The following ARSB variants were observed in gnomAD, a reference collection of about 807,000 sequenced individuals.
The protein encoded by ARSB is N-acetylgalactosamine-4-sulfatase.
In ARSB, 41 loss-of-function variants were observed where a neutral mutation model predicts 50.9. The observed-to-expected ratio is 0.81, with a 90% CI of 0.63 to 1.04. The LOEUF is 1.04. ARSB is among the 50% of genes least tolerant of loss of function. The pLI, the probability that ARSB is intolerant of heterozygous loss-of-function variation, is 0.00. For missense variants in ARSB, 672 were observed against 693.3 expected (o/e 0.97, Z 0.35); for synonymous variants, 269 against 284.8 (o/e 0.94, Z 0.56).
chr5:78,789,994 C>T (rs570280609), intron 6 of ARSB, among the ~76,000 whole-genome samples: 5 of 152,178 alleles, frequency 3.3e-5, no homozygotes, highest in South Asian at 2.1e-4. Context: ...GTGAGGGAAG[C>T]GTGGCACAAA....
intron 4 of ARSB, among the ~76,000 whole-genome samples, chr5:78,887,879 A>G (rs976900164): frequency 9.8e-5 from 15 of 152,298 alleles, no homozygotes; most frequent in Admixed American, 9.2e-4. Context: ...CAACCTCAGC[A>G]AAGTGTACAC....
At chr5:78,903,767 G>C (rs183165271) in intron 4 of ARSB, among the ~76,000 whole-genome samples, 1 of 152,250 alleles carries the variant, frequency 6.6e-6, no homozygotes, top group Non-Finnish European at 1.5e-5. Flanking sequence ...AAATAGATAA[G>C]AGATTACATG....
intron 4 of ARSB, among the ~76,000 whole-genome samples, chr5:78,945,706 C>T (rs1019735799): frequency 1.3e-5 from 2 of 152,160 alleles, no homozygotes; most frequent in Admixed American, 1.3e-4. Context: ...CCTCACATCT[C>T]GCTGCTCTCC....
chr5:78,865,448 C>T (rs1251557488), intron 5 of ARSB, among the ~76,000 whole-genome samples: 1 of 152,122 alleles, frequency 6.6e-6, no homozygotes, highest in Non-Finnish European at 1.5e-5. Flanking sequence ...CTAGGCCTGG[C>T]CCCTGAAACC....
chr5:78,879,195 A>C (rs1434854740), intron 5 of ARSB, among the ~76,000 whole-genome samples: 1 of 152,250 alleles, frequency 6.6e-6, no homozygotes, highest in Non-Finnish European at 1.5e-5. Flanking sequence ...AAAATAATTA[A>C]AAAGAAACTT....
chr5:78,902,206 C>T (rs1448137558), intron 4 of ARSB, among the ~76,000 whole-genome samples: 3 of 152,210 alleles, frequency 2.0e-5, no homozygotes, highest in African/African-American at 7.2e-5. Flanking sequence ...ATGTAATGAA[C>T]CCATTCCTGT....
At chr5:78,795,158 A>G (rs1743133100) in intron 6 of ARSB, among the ~76,000 whole-genome samples, 1 of 152,246 alleles carries the variant, frequency 6.6e-6, no homozygotes, top group Non-Finnish European at 1.5e-5. Flanking sequence ...TATTGAAATT[A>G]CACAGTTAAG....
At position 78,985,071 on chromosome 5, in the gene ARSB, C is replaced by T. The variant is rs1438070050; in HGVS notation, c.178G>A (p.Val60Ile). 1.9e-5 allele frequency: 29 copies of T among 1,543,616 alleles called. No homozygotes were observed. Among genetic ancestry groups the T allele is most frequent in the Non-Finnish European group, 2.4e-5 (27 of 1,147,066 alleles). The change falls in exon 1 of 8, where the codon GTC becomes ATC. Residue 60 changes from valine to isoleucine, a missense_variant. Val to Ile is a conservative substitution (Grantham distance 29, BLOSUM62 3). Transcript: ENST00000264914. The stretch of plus-strand genomic sequence containing the variant: ...CGGATGCGGGAGCCGTGGAAGCCGA[C>T]GTCGTTCCAGCCTAGGTCGTCTGCC... Reference protein sequence around the residue: ...LLADDLGWNDVGFHGSRIRTP... With the variant: ...LLADDLGWNDIGFHGSRIRTP...
At chr5:78,851,318 C>G (rs1356021004) in intron 5 of ARSB, among the ~76,000 whole-genome samples, 1 of 152,112 alleles carries the variant, frequency 6.6e-6, no homozygotes, top group South Asian at 2.1e-4. Context: ...TCGTTAAGTA[C>G]CCAGTAGTCA....
intron 4 of ARSB, among the ~76,000 whole-genome samples, chr5:78,912,188 T>C (rs953226566): frequency 1.3e-5 from 2 of 152,182 alleles, no homozygotes; most frequent in African/African-American, 2.4e-5. Flanking sequence ...GACGTTATTG[T>C]AGTACACAAA....
intron 6 of ARSB, among the ~76,000 whole-genome samples, chr5:78,800,448 T>C (rs1337834289): frequency 1.3e-5 from 2 of 152,014 alleles, no homozygotes; most frequent in Non-Finnish European, 2.9e-5. Context: ...GGGCTGGAAT[T>C]CCCAGAAAAA....
At chr5:78,827,665 G>T (rs977927210) in intron 6 of ARSB, among the ~76,000 whole-genome samples, 9 of 152,142 alleles carry the variant, frequency 5.9e-5, no homozygotes, top group African/African-American at 2.2e-4. Context: ...ACTTCCTCTT[G>T]GTTGAGGCAC....
intron 6 of ARSB, 121 bp downstream of exon 6, chr5:78,839,235 A>G: frequency 1.1e-6 from 1 of 934,428 alleles, no homozygotes; most frequent in Non-Finnish European, 1.7e-6. Flanking sequence ...GTCCCGAAGA[A>G]CTGTTTACCT....
At position 78,890,764 on chromosome 5, in the gene ARSB, CCT is replaced by C. The variant is rs1748255183; in HGVS notation, c.899-4939_899-4938del. Among the ~76,000 whole-genome samples, 8 of 152,244 alleles carry C rather than the reference CCT, an allele frequency of 5.3e-5. 1 individual carries two copies. The South Asian group carries it at 1.7e-3, about 32-fold the overall frequency. On this transcript the variant is annotated intron_variant, in intron 4 of 7. Coordinates refer to ENST00000264914, the MANE Select transcript of ARSB (RefSeq NM_000046.5). ...TCCTGTCCTCCCCCATAAAAAGTGC[CCT>C]GAGCTTCAGTCACGTAGAACTAACT...
At chr5:78,846,087 T>A (rs1745431307) in intron 5 of ARSB, among the ~76,000 whole-genome samples, 1 of 152,158 alleles carries the variant, frequency 6.6e-6, no homozygotes, top group Non-Finnish European at 1.5e-5. Context: ...TTTGGTTTCA[T>A]TTTTATGCAT....
At chr5:78,893,326 C>A (rs1748405027) in intron 4 of ARSB, among the ~76,000 whole-genome samples, 1 of 152,086 alleles carries the variant, frequency 6.6e-6, no homozygotes. Context: ...TGGACTAATA[C>A]ACGGATGTAG....
chr5:78,877,590 T>C (rs1417387167), intron 5 of ARSB, among the ~76,000 whole-genome samples: 1 of 152,196 alleles, frequency 6.6e-6, no homozygotes, highest in East Asian at 1.9e-4. Context: ...GGTTTCACCA[T>C]GTTGGCCAGG....
intron 6 of ARSB, among the ~76,000 whole-genome samples, chr5:78,809,476 G>A (rs73767437): frequency 0.02 from 3,021 of 152,380 alleles, 87 homozygotes; most frequent in African/African-American, 0.069. Flanking sequence ...GCCCCGTGGA[G>A]AGCTAAAAAG....
At chr5:78,897,944 C>T in intron 4 of ARSB, among the ~76,000 whole-genome samples, 1 of 151,962 alleles carries the variant, frequency 6.6e-6, no homozygotes, top group Non-Finnish European at 1.5e-5. Context: ...TGCCCTATAC[C>T]CATTAAAGAC....
Sources: allele counts gnomAD v4.1 joint callset (sites outside exome capture counted in the v4.1 genomes callset), GRCh38; gene constraint gnomAD v4.1.1; transcripts MANE v1.5; gene names NCBI Gene and HGNC (gene_info 2026-07-23, HGNC 2026-07-21).